EIF4G3: variants seen among roughly 807,000 people sequenced by gnomAD.
The protein encoded by EIF4G3 is eukaryotic translation initiation factor 4 gamma 3.
EIF4G3 carries 34 observed loss-of-function variants against 186.4 expected under a neutral mutation model. The observed-to-expected ratio is 0.18, with a 90% CI of 0.14 to 0.24. EIF4G3 has a LOEUF of 0.24. Among genes scored for constraint, EIF4G3 ranks in the 10% least tolerant of loss-of-function variants. The probability of loss-of-function intolerance (pLI) is 1.00; values close to 1 mark genes in which losing one functional copy is unlikely to be tolerated. For missense variants in EIF4G3, 1,536 were observed against 1,948.5 expected (o/e 0.79, Z 3.99); for synonymous variants, 673 against 679.5 (o/e 0.99, Z 0.15).
At chr1:21,159,379 G>A (rs543733152) in intron 2 of EIF4G3, among the ~76,000 whole-genome samples, 1 of 151,512 alleles carries the variant, frequency 6.6e-6, no homozygotes, top group African/African-American at 2.4e-5. Context: ...GTTTGAGATT[G>A]CAGTGAGCTA....
intron 4 of EIF4G3, among the ~76,000 whole-genome samples, chr1:21,027,905 GAATA>G (rs1340841343): frequency 6.6e-6 from 1 of 152,090 alleles, no homozygotes; most frequent in African/African-American, 2.4e-5. Context: ...ATCAGCAAAT[GAATA>G]GATAAGCACA....
intron 3 of EIF4G3, among the ~76,000 whole-genome samples, chr1:21,055,603 C>G (rs1398017437): frequency 1.3e-5 from 2 of 152,050 alleles, no homozygotes; most frequent in East Asian, 1.9e-4. Context: ...AATGTGTCAC[C>G]AAGTGCTTCA....
chr1:20,862,411 G>T, intron 22 of EIF4G3, 79 bp from the exon 23 acceptor site: 1 of 882,932 alleles, frequency 1.1e-6, no homozygotes, highest in Non-Finnish European at 1.7e-6. Flanking sequence ...ATTTATTTAT[G>T]TAGTTATCTA....
At chr1:21,048,827 G>A (rs2094043728) in intron 4 of EIF4G3, among the ~76,000 whole-genome samples, 1 of 152,104 alleles carries the variant, frequency 6.6e-6, no homozygotes, top group South Asian at 2.1e-4. Flanking sequence ...CCAGGGTAGG[G>A]GTAGCAGTCT....
At chr1:21,147,288 T>A (rs1573321327) in intron 2 of EIF4G3, among the ~76,000 whole-genome samples, 1 of 151,900 alleles carries the variant, frequency 6.6e-6, no homozygotes, top group East Asian at 1.9e-4. Context: ...ATCTATATAA[T>A]TTGTATTATT....
intron 4 of EIF4G3, among the ~76,000 whole-genome samples, chr1:21,048,192 A>T (rs1005170362): frequency 6.6e-6 from 1 of 152,212 alleles, no homozygotes. Context: ...CGAGCAGCCT[A>T]TCTTTCAGAA....
chr1:21,157,053 A>G (rs2097674558), intron 2 of EIF4G3, among the ~76,000 whole-genome samples: 1 of 152,150 alleles, frequency 6.6e-6, no homozygotes. Flanking sequence ...GCAAGACCCT[A>G]TCTCAAAAAA....
intron 2 of EIF4G3, among the ~76,000 whole-genome samples, chr1:21,143,194 A>G (rs939974853): frequency 9.9e-5 from 15 of 152,028 alleles, no homozygotes; most frequent in Admixed American, 7.9e-4. Context: ...GGTTGCAGTG[A>G]GCCGATATTG....
At chr1:20,808,080 C>T (rs947287755) in intron 36 of EIF4G3, among the ~76,000 whole-genome samples, 9 of 151,898 alleles carry the variant, frequency 5.9e-5, no homozygotes, top group Non-Finnish European at 4.4e-5. Context: ...GAAGGGATTT[C>T]ACCATGTTGG....
intron 12 of EIF4G3, among the ~76,000 whole-genome samples, chr1:20,954,412 T>A (rs1573453944): frequency 6.6e-6 from 1 of 151,318 alleles, no homozygotes; most frequent in East Asian, 2.0e-4. Context: ...GGCAGGCACC[T>A]ATAATCTCAG....
At chr1:21,021,811 C>G (rs914601700) in intron 4 of EIF4G3, among the ~76,000 whole-genome samples, 1 of 152,154 alleles carries the variant, frequency 6.6e-6, no homozygotes, top group Non-Finnish European at 1.5e-5. Flanking sequence ...TTGCCTCAGC[C>G]TCCCAAAGTG....
intron 4 of EIF4G3, among the ~76,000 whole-genome samples, chr1:21,028,528 T>C (rs1265131411): frequency 6.6e-6 from 1 of 152,200 alleles, no homozygotes; most frequent in Non-Finnish European, 1.5e-5. Context: ...TCAAAGATAT[T>C]GATAATCGAC....
rs557704838 is a variant in EIF4G3, at chr1:20,947,390, A to C, written c.823+2613T>G. Among the ~76,000 whole-genome samples the C allele has an allele frequency of 5.9e-5, 9 of 152,146 alleles. 1 individual carries two copies. The South Asian group carries it at 1.7e-3, about 28-fold the overall frequency. On this transcript the variant is annotated intron_variant, in intron 13 of 36. Transcript: ENST00000602326. ...AAAAATCCTCAGTGTAAAGAAAAAA[A>C]ACCATTTTCTCTGAAAAAAATAGTG...
chr1:20,964,079 A>G (rs2074079688), intron 12 of EIF4G3, among the ~76,000 whole-genome samples: 1 of 152,180 alleles, frequency 6.6e-6, no homozygotes, highest in South Asian at 2.1e-4. Flanking sequence ...ATATTTCTAA[A>G]TACAGGGATA....
intron 2 of EIF4G3, among the ~76,000 whole-genome samples, chr1:21,120,711 A>G (rs1391659998): frequency 4.6e-5 from 7 of 152,158 alleles, no homozygotes; most frequent in Non-Finnish European, 1.0e-4. Context: ...TACCAGTTAT[A>G]AATATGCATA....
chr1:20,954,342 C>G (rs1293336259), intron 12 of EIF4G3, among the ~76,000 whole-genome samples: 1 of 151,836 alleles, frequency 6.6e-6, no homozygotes, highest in African/African-American at 2.4e-5. Context: ...TCAAGACCAG[C>G]CTGGCCAAGA....
At chr1:21,106,154 C>G (rs951782996) in intron 2 of EIF4G3, among the ~76,000 whole-genome samples, 4 of 151,018 alleles carry the variant, frequency 2.6e-5, no homozygotes, top group African/African-American at 9.8e-5. Context: ...AGCTACATCA[C>G]TGAGAGGCTT....
chr1:20,864,314 T>C (rs1446518255), intron 22 of EIF4G3, among the ~76,000 whole-genome samples, 162 bp downstream of exon 22: 1 of 152,178 alleles, frequency 6.6e-6, no homozygotes, highest in Non-Finnish European at 1.5e-5. Context: ...GATGGAAATG[T>C]AAGGAGCACG....
At chr1:21,097,049 T>C (rs1235286069) in intron 2 of EIF4G3, among the ~76,000 whole-genome samples, 1 of 152,196 alleles carries the variant, frequency 6.6e-6, no homozygotes, top group African/African-American at 2.4e-5. Context: ...AAATATTGTG[T>C]TATGTATACT....
Sources: allele counts gnomAD v4.1 joint callset (sites outside exome capture counted in the v4.1 genomes callset), GRCh38; gene constraint gnomAD v4.1.1; transcripts MANE v1.5; gene names NCBI Gene and HGNC (gene_info 2026-07-23, HGNC 2026-07-21).